The following SPAG16 variants were observed in gnomAD, a reference collection of about 807,000 sequenced individuals.
The protein encoded by SPAG16 is sperm-associated antigen 16 protein.
A neutral mutation model predicts 80.4 loss-of-function variants in SPAG16; 86 were observed. That is an observed-to-expected ratio of 1.07 (90% CI 0.90 to 1.28). The LOEUF (loss-of-function observed/expected upper bound fraction) is 1.28. Ranked by LOEUF, SPAG16 falls within the 50% of genes most tolerant of loss-of-function variation. The pLI is 0.00. For missense variants in SPAG16, 870 were observed against 765.3 expected (o/e 1.14, Z -1.61); for synonymous variants, 294 against 265.9 (o/e 1.11, Z -1.03).
intron 9 of SPAG16, among the ~76,000 whole-genome samples, chr2:213,387,960 C>A (rs1343392963): frequency 1.3e-5 from 2 of 152,030 alleles, no homozygotes; most frequent in African/African-American, 4.8e-5. Context: ...AGGGATGCCT[C>A]CTCATCTAGA....
At chr2:213,881,234 G>A (rs965099244) in intron 11 of SPAG16, among the ~76,000 whole-genome samples, 1 of 152,140 alleles carries the variant, frequency 6.6e-6, no homozygotes, top group Non-Finnish European at 1.5e-5. Flanking sequence ...TATTGTAAAT[G>A]AGATTGTGTT....
At chr2:213,448,457 G>A (rs564529546) in intron 9 of SPAG16, among the ~76,000 whole-genome samples, 29 of 152,258 alleles carry the variant, frequency 1.9e-4, no homozygotes, top group African/African-American at 6.7e-4. Flanking sequence ...TAAGTCTATT[G>A]GGGGCCCCAC....
Position 213,916,619 on chromosome 2 carries a change from G to C in SPAG16, c.1215-13341G>C, listed in dbSNP as rs562298858. On this transcript the variant is annotated intron_variant, in intron 11 of 15. Coordinates refer to ENST00000331683, the MANE Select transcript of SPAG16 (RefSeq NM_024532.5). ...TGAGACATTCACTATCTTGAGAACA[G>C]CACAAGAAAAACCTGCAACCATGAT... is the stretch of plus-strand genomic sequence containing the variant. 1.5e-3 allele frequency among the ~76,000 whole-genome samples: 229 copies of C among 152,242 alleles called. 1 individual carries two copies. The highest frequency in any genetic ancestry group is 0.01 in the Middle Eastern group (3 of 294).
chr2:213,310,245 C>G, intron 4 of SPAG16, 68 bp downstream of exon 4: 2 of 1,067,148 alleles, frequency 1.9e-6, no homozygotes, highest in Non-Finnish European at 2.7e-6. Context: ...TTTTAAGTGT[C>G]TTAGGAGACT....
intron 13 of SPAG16, among the ~76,000 whole-genome samples, chr2:214,096,240 T>A (rs1467622537): frequency 6.6e-6 from 1 of 151,838 alleles, no homozygotes; most frequent in South Asian, 2.1e-4. Flanking sequence ...AATTTTATGA[T>A]GCTGGTAGTT....
chr2:213,759,474 G>A (rs2068527825), intron 10 of SPAG16, among the ~76,000 whole-genome samples: 1 of 151,790 alleles, frequency 6.6e-6, no homozygotes, highest in Non-Finnish European at 1.5e-5. Flanking sequence ...ATAATTTTGT[G>A]ACATCAAAAA....
intron 9 of SPAG16, among the ~76,000 whole-genome samples, chr2:213,423,027 G>T (rs1476546335): frequency 6.6e-6 from 1 of 152,198 alleles, no homozygotes; most frequent in Non-Finnish European, 1.5e-5. Context: ...CTAGAAGCTT[G>T]TCTTTTATTG....
chr2:213,576,389 T>A (rs1345684865), intron 10 of SPAG16, among the ~76,000 whole-genome samples: 1 of 152,140 alleles, frequency 6.6e-6, no homozygotes, highest in Non-Finnish European at 1.5e-5. Context: ...TTGCTTTGGA[T>A]TCAGCCATTG....
At chr2:213,654,815 T>C (rs2063161965) in intron 10 of SPAG16, among the ~76,000 whole-genome samples, 1 of 152,046 alleles carries the variant, frequency 6.6e-6, no homozygotes, top group Non-Finnish European at 1.5e-5. Context: ...ATCAATATTA[T>C]ATTAAATGTC....
At chr2:213,877,848 G>A (rs974416058) in intron 11 of SPAG16, among the ~76,000 whole-genome samples, 5 of 151,996 alleles carry the variant, frequency 3.3e-5, no homozygotes, top group African/African-American at 4.8e-5. Flanking sequence ...TATTGTCCAG[G>A]CCTGACTGAT....
chr2:214,179,474 A>T (rs140478214), intron 15 of SPAG16, among the ~76,000 whole-genome samples: 2 of 151,556 alleles, frequency 1.3e-5, no homozygotes, highest in East Asian at 3.9e-4. Context: ...CTTTTCTCAG[A>T]GGAGCATTCC....
rs572865578 is a variant in SPAG16 at position 214,214,184 on chromosome 2, A to T, written c.1720+64918A>T. Reference sequence around the variant, plus strand: ...AATATCCTTCCCAACCTTCCTTTTTACTTTTTTTTTTTTTGAGACAGAGTC... The same window carrying T: ...AATATCCTTCCCAACCTTCCTTTTTTCTTTTTTTTTTTTTGAGACAGAGTC... On this transcript the variant is annotated intron_variant, in intron 15 of 15. Coordinates refer to ENST00000331683, the MANE Select transcript of SPAG16 (RefSeq NM_024532.5). Among the ~76,000 whole-genome samples the T allele has an allele frequency of 8.6e-4, 87 of 100,652 alleles. 1 individual carries two copies. The highest frequency in any genetic ancestry group is 0.012 in the Middle Eastern group (2 of 170). The allele number at this position is 100,652 out of a possible 152,430, so 66.0% of individuals were successfully genotyped here. A position where few individuals can be genotyped will look rare whatever the true frequency, so the allele number is the denominator to read the frequency against.
chr2:213,940,602 C>A (rs2079158614), intron 12 of SPAG16, among the ~76,000 whole-genome samples: 1 of 152,144 alleles, frequency 6.6e-6, no homozygotes, highest in South Asian at 2.1e-4. Context: ...GGCCACAAAT[C>A]AAATGCACTT....
chr2:213,751,604 G>A (rs951005565), intron 10 of SPAG16, among the ~76,000 whole-genome samples: 3 of 152,154 alleles, frequency 2.0e-5, no homozygotes, highest in African/African-American at 7.2e-5. Flanking sequence ...GAATCTGTGA[G>A]TAATAAATAT....
intron 7 of SPAG16, among the ~76,000 whole-genome samples, chr2:213,356,508 A>C (rs558926226): frequency 1.3e-5 from 2 of 152,204 alleles, no homozygotes; most frequent in African/African-American, 4.8e-5. Context: ...TTATCCATTT[A>C]TTCTAAATTT....
chr2:213,515,913 T>C (rs1398639917), intron 10 of SPAG16, among the ~76,000 whole-genome samples: 1 of 152,162 alleles, frequency 6.6e-6, no homozygotes, highest in Non-Finnish European at 1.5e-5. Flanking sequence ...CGGTGTGAAG[T>C]AGGAATTGCT....
At chr2:213,982,158 C>A (rs546729558) in intron 12 of SPAG16, among the ~76,000 whole-genome samples, 3 of 149,058 alleles carry the variant, frequency 2.0e-5, no homozygotes, top group Admixed American at 6.6e-5. Context: ...ATTCAATTTG[C>A]GACAATTTAA....
At chr2:213,838,651 TC>T (rs1234201604) in intron 10 of SPAG16, among the ~76,000 whole-genome samples, 2 of 152,214 alleles carry the variant, frequency 1.3e-5, no homozygotes, top group African/African-American at 2.4e-5. Flanking sequence ...GGATGAATGT[TC>T]CGATGAGGTG....
chr2:214,224,326 A>G (rs1027418521), intron 15 of SPAG16, among the ~76,000 whole-genome samples: 2 of 152,204 alleles, frequency 1.3e-5, no homozygotes, highest in African/African-American at 4.8e-5. Context: ...CTTAAAAATC[A>G]GAACAAAAAC....
Sources: gnomAD v4.1 joint callset for allele counts (sites outside exome capture counted in the v4.1 genomes callset) on GRCh38, gnomAD v4.1.1 for gene constraint, MANE v1.5 for transcripts, NCBI Gene and HGNC (gene_info 2026-07-23, HGNC 2026-07-21) for gene names.